RBMS3: variants seen among roughly 807,000 people sequenced by gnomAD.
RBMS3 encodes the protein RNA-binding motif, single-stranded-interacting protein 3.
A neutral mutation model predicts 66.8 loss-of-function variants in RBMS3; 27 were observed. That is an observed-to-expected ratio of 0.40 (90% CI 0.30 to 0.56). The LOEUF (loss-of-function observed/expected upper bound fraction) is 0.56. Among genes scored for constraint, RBMS3 ranks in the 20% least tolerant of loss-of-function variants. The probability of loss-of-function intolerance (pLI) is 0.40; values close to 1 mark genes in which losing one functional copy is unlikely to be tolerated. For missense variants in RBMS3, 513 were observed against 549.5 expected (o/e 0.93, Z 0.66); for synonymous variants, 188 against 183.0 (o/e 1.03, Z -0.22).
At chr3:29,748,838 A>C (rs1163106361) in intron 5 of RBMS3, among the ~76,000 whole-genome samples, 1 of 152,184 alleles carries the variant, frequency 6.6e-6, no homozygotes, top group Admixed American at 6.5e-5. Context: ...TTCATTCCCA[A>C]ATGGTTCTGT....
chr3:29,795,380 G>A (rs2057149292), intron 6 of RBMS3, among the ~76,000 whole-genome samples: 1 of 152,152 alleles, frequency 6.6e-6, no homozygotes, highest in African/African-American at 2.4e-5. Flanking sequence ...ATGTATCTTT[G>A]CATTTTTCAG....
chr3:29,439,601 A>ATTTATTTATTTATTTT (rs2041537988), intron 2 of RBMS3, among the ~76,000 whole-genome samples: 2 of 151,036 alleles, frequency 1.3e-5, no homozygotes, highest in African/African-American at 4.9e-5. Flanking sequence ...CTTTTTATTT[A>ATTTATTTATTTATTTT]TTTATTTATT....
intron 1 of RBMS3, among the ~76,000 whole-genome samples, chr3:29,422,702 C>T (rs994013466): frequency 2.9e-4 from 44 of 152,110 alleles, no homozygotes; most frequent in Non-Finnish European, 5.4e-4. Flanking sequence ...ATAGTTACCA[C>T]CTCACAGCCC....
chr3:29,899,482 A>C (rs2149606988), intron 9 of RBMS3, among the ~76,000 whole-genome samples: 1 of 151,836 alleles, frequency 6.6e-6, no homozygotes, highest in South Asian at 2.1e-4. Context: ...TGGGCACTGA[A>C]GTCAGCTCCA....
intron 3 of RBMS3, among the ~76,000 whole-genome samples, chr3:29,580,805 A>C (rs2047303317): frequency 6.6e-6 from 1 of 152,110 alleles, no homozygotes; most frequent in Non-Finnish European, 1.5e-5. Context: ...CTGGCACACA[A>C]ATTTCAGAAT....
intron 2 of RBMS3, among the ~76,000 whole-genome samples, chr3:29,438,557 CAAAG>C (rs1169575108): frequency 2.0e-5 from 3 of 151,848 alleles, no homozygotes; most frequent in Non-Finnish European, 4.4e-5. Flanking sequence ...CAAGTAAAAT[CAAAG>C]AAAAGAAGAT....
intron 10 of RBMS3, among the ~76,000 whole-genome samples, chr3:29,905,696 A>G (rs1577110608): frequency 6.6e-6 from 1 of 152,182 alleles, no homozygotes; most frequent in Non-Finnish European, 1.5e-5. Context: ...GCCACATTGG[A>G]AGAAAAATTG....
intron 4 of RBMS3, among the ~76,000 whole-genome samples, chr3:29,722,713 T>G (rs575566524): frequency 6.6e-6 from 1 of 152,248 alleles, no homozygotes; most frequent in South Asian, 2.1e-4. Flanking sequence ...CATCCCTACC[T>G]TAGATCTATG....
intron 1 of RBMS3, among the ~76,000 whole-genome samples, chr3:29,325,377 G>A (rs916688217): frequency 6.6e-6 from 1 of 151,888 alleles, no homozygotes; most frequent in African/African-American, 2.4e-5. Context: ...TCGTTATACC[G>A]TTTTGTATTT....
At chr3:29,343,085 T>C (rs887936355) in intron 1 of RBMS3, among the ~76,000 whole-genome samples, 1 of 152,166 alleles carries the variant, frequency 6.6e-6, no homozygotes, top group Non-Finnish European at 1.5e-5. Flanking sequence ...TCTGTATACA[T>C]AAAACTCAAT....
chr3:29,518,649 A>T (rs1338232513), intron 3 of RBMS3, among the ~76,000 whole-genome samples: 1 of 152,210 alleles, frequency 6.6e-6, no homozygotes, highest in Non-Finnish European at 1.5e-5. Flanking sequence ...CATCTCGTCA[A>T]CACATTTCAT....
At chr3:29,609,488 G>T (rs1340178829) in intron 4 of RBMS3, among the ~76,000 whole-genome samples, 1 of 151,968 alleles carries the variant, frequency 6.6e-6, no homozygotes, top group Non-Finnish European at 1.5e-5. Flanking sequence ...TAGGGGGAGG[G>T]TTCAGTCAGC....
intron 10 of RBMS3, among the ~76,000 whole-genome samples, chr3:29,922,473 G>A (rs1178559420): frequency 1.8e-4 from 25 of 136,086 alleles, no homozygotes; most frequent in Middle Eastern, 3.9e-3. Context: ...CGGCCTGGGC[G>A]ACAGAGCGAG....
chr3:29,349,918 G>T (rs996187465), intron 1 of RBMS3, among the ~76,000 whole-genome samples: 1 of 152,120 alleles, frequency 6.6e-6, no homozygotes. Context: ...CCAGCATTTT[G>T]GGAGGCCAAG....
At chr3:29,656,310 T>C (rs1471366036) in intron 4 of RBMS3, among the ~76,000 whole-genome samples, 1 of 152,212 alleles carries the variant, frequency 6.6e-6, no homozygotes, top group Admixed American at 6.5e-5. Flanking sequence ...ATGTTTTCAC[T>C]GTACCCTTTT....
intron 1 of RBMS3, among the ~76,000 whole-genome samples, chr3:29,419,318 G>T (rs1327416181): frequency 1.3e-5 from 2 of 151,864 alleles, no homozygotes; most frequent in Non-Finnish European, 1.5e-5. Flanking sequence ...AATTGTCACT[G>T]GATATATTTT....
At chr3:29,830,095 A>G (rs1480180218) in intron 6 of RBMS3, among the ~76,000 whole-genome samples, 2 of 151,838 alleles carry the variant, frequency 1.3e-5, no homozygotes, top group Admixed American at 6.6e-5. Context: ...ATTTCTATAT[A>G]CTTATCAGCT....
intron 14 of RBMS3, 158 bp downstream of exon 14, chr3:29,991,367 C>A: frequency 7.8e-7 from 1 of 1,281,764 alleles, no homozygotes; most frequent in Non-Finnish European, 1.1e-6. Context: ...GAAATTTGGG[C>A]TAACTTTGGG....
intron 5 of RBMS3, among the ~76,000 whole-genome samples, chr3:29,756,667 A>ACACAGCAAAACCATATCAC (rs1412131295): frequency 6.6e-6 from 1 of 152,158 alleles, no homozygotes; most frequent in African/African-American, 2.4e-5. Flanking sequence ...TTGGTTGGGG[A>ACACAGCAAAACCATATCAC]CACAGCAAAA....
Sources: gnomAD v4.1 joint callset for allele counts (sites outside exome capture counted in the v4.1 genomes callset) on GRCh38, gnomAD v4.1.1 for gene constraint, MANE v1.5 for transcripts, NCBI Gene and HGNC (gene_info 2026-07-23, HGNC 2026-07-21) for gene names.